VCAM1: variants seen among roughly 807,000 people sequenced by gnomAD.
VCAM1 encodes vascular cell adhesion protein 1.
In VCAM1, 41 loss-of-function variants were observed where a neutral mutation model predicts 63.8. That is an observed-to-expected ratio of 0.64 (90% CI 0.50 to 0.83). The LOEUF (loss-of-function observed/expected upper bound fraction) is 0.83. VCAM1 is among the 40% of genes least tolerant of loss of function. VCAM1 has a pLI of 0.00. For missense variants in VCAM1, 798 were observed against 875.5 expected, an observed-to-expected ratio of 0.91 and a Z score of 1.12; for synonymous variants, 338 against 320.7, an observed-to-expected ratio of 1.05 and a Z score of -0.58.
Position 100,731,284 on chromosome 1 carries a change from T to C in VCAM1, c.1291T>C (p.Tyr431His), listed in dbSNP as rs887623377. The C allele has an allele frequency of 4.3e-6, 7 of 1,613,746 alleles. No homozygotes were observed. In the Admixed American group the frequency reaches 1.0e-4, roughly 23 times the overall value. ...VTVSCKVPSV[Y>H]PLDRLEIELL... is the part of the protein sequence containing the mutation. ...TGTAAGCTGCAAGGTTCCTAGCGTG[T>C]ACCCCCTTGACCGGCTGGAGATTGA... The change falls in exon 6 of 9, where the codon TAC becomes CAC. Residue 431 changes from tyrosine to histidine, a missense_variant. Tyr to His is a moderately conservative substitution (Grantham distance 83, BLOSUM62 2). Transcript: ENST00000294728. This position sits in a 1 kb window ranked among gnomAD's most constrained non-coding sequence, Gnocchi z 4.2.
At chr1:100,732,854 T>A (rs1169685675) in intron 7 of VCAM1, among the ~76,000 whole-genome samples, 170 bp downstream of exon 7, 2 of 152,214 alleles carry the variant, frequency 1.3e-5, no homozygotes, top group African/African-American at 4.8e-5. Context: ...AATTGTCTTT[T>A]CTCATGAATT....
intron 4 of VCAM1, among the ~76,000 whole-genome samples, chr1:100,727,734 T>G (rs577028322): frequency 1.3e-5 from 2 of 152,226 alleles, no homozygotes; most frequent in Admixed American, 6.6e-5. Context: ...CGATCTGTTT[T>G]TTAAAGTTCC....
chr1:100,727,948 T>C (rs1660234771), intron 4 of VCAM1, among the ~76,000 whole-genome samples: 1 of 152,092 alleles, frequency 6.6e-6, no homozygotes, highest in Non-Finnish European at 1.5e-5. Context: ...GTTTGGATTA[T>C]TTATATATTG....
chr1:100,720,331 G>A, intron 1 of VCAM1, 145 bp from the exon 2 acceptor site: 1 of 1,124,840 alleles, frequency 8.9e-7, no homozygotes, highest in South Asian at 1.7e-5. Flanking sequence ...TGACTTCGGT[G>A]CTTTTTGGCT....
intron 8 of VCAM1, 110 bp from the exon 9 acceptor site, chr1:100,738,013 C>T: frequency 1.6e-6 from 2 of 1,227,092 alleles, no homozygotes; most frequent in Non-Finnish European, 2.3e-6. Flanking sequence ...GCTTTGATTC[C>T]CTTCTCTTTG....
At position 100,720,595 on chromosome 1, in the gene VCAM1, CAGAT is replaced by C. The variant is rs1427157835; in HGVS notation, c.191_194del (p.Asp64ValfsTer3). ...GTCCCCATTTTTCTCTTGGAGAACC[CAGAT>C]AGATAGTCCACTGAATGGGAAGGTG... On this transcript the variant is annotated frameshift_variant, in exon 2 of 9. Transcript: ENST00000294728. LOFTEE classifies it high-confidence loss of function. 1.9e-6 allele frequency: 3 copies of C among 1,613,192 alleles called. No homozygotes were observed. Among genetic ancestry groups the C allele is most frequent in the East Asian group, 2.2e-5 (1 of 44,830 alleles).
rs1180338437 is a variant in VCAM1, at chr1:100,723,168, A to G, written c.489A>G (p.Glu163=). ...LKGDHLMKSQ[E]FLEDADRKSL... ...GAGATCATCTCATGAAGAGTCAGGA[A>G]TTTCTGGAGGATGCAGACAGGAAGT... Residue 163 remains glutamate (E), a synonymous_variant, in exon 3 of 9, where the codon GAA becomes GAG. Coordinates refer to ENST00000294728, the MANE Select transcript of VCAM1 (RefSeq NM_001078.4). The G allele has an allele frequency of 2.5e-6, 4 of 1,613,044 alleles. No homozygotes were observed. Among genetic ancestry groups the G allele is most frequent in the African/African-American group, 2.7e-5 (2 of 74,858 alleles).
At position 100,734,592 on chromosome 1, in the gene VCAM1, T is replaced by G; in HGVS notation, c.1883T>G (p.Val628Gly). 6.2e-7 allele frequency: 1 copy of G among 1,613,946 alleles called. No homozygotes were observed. Among genetic ancestry groups the G allele is most frequent in the South Asian group, 1.1e-5 (1 of 91,082 alleles). ...ATCATCTCTTGTACATGTGGAAATG[T>G]TCCAGAAACATGGATAATCCTGAAG... ...TVIISCTCGNVPETWIILKKK... is the reference protein window; with the variant it reads ...TVIISCTCGNGPETWIILKKK... The change falls in exon 8 of 9, where the codon GTT becomes GGT. Residue 628 changes from valine (V) to glycine (G), a missense_variant. By Grantham distance (109) the Val-to-Gly change is moderately radical. Coordinates refer to ENST00000294728, the MANE Select transcript of VCAM1 (RefSeq NM_001078.4).
At chr1:100,727,953 A>G (rs1444001700) in intron 4 of VCAM1, among the ~76,000 whole-genome samples, 1 of 152,120 alleles carries the variant, frequency 6.6e-6, no homozygotes, top group African/African-American at 2.4e-5. Context: ...GATTATTTAT[A>G]TATTGAGATT....
intron 7 of VCAM1, among the ~76,000 whole-genome samples, chr1:100,733,357 G>A (rs1227989467): frequency 6.6e-6 from 1 of 152,082 alleles, no homozygotes; most frequent in Non-Finnish European, 1.5e-5. Flanking sequence ...GGGTATCAGG[G>A]TTCTTTTCTT....
In VCAM1 at chr1:100,731,633, G is replaced by T; in HGVS notation, c.1525+115G>T. 1 of 978,532 alleles carries T rather than the reference G, an allele frequency of 1.0e-6. No homozygotes were observed. The allele number at this position is 978,532 out of a possible 1,614,324, so 60.6% of individuals were successfully genotyped here. ...ACCTCTGTGGAGAAAAAACGTTACT[G>T]AAAAGAAATTTCAAAATAATGATGA... On this transcript the variant is annotated intron_variant, in intron 6 of 8. Transcript: ENST00000294728. The surrounding 1 kb of genome is among the most constrained non-coding windows in gnomAD (Gnocchi z 4.2).
In VCAM1 at chr1:100,731,196, A is replaced by G; in HGVS notation, c.1205-2A>G. 1 of 1,577,730 alleles carries G rather than the reference A, an allele frequency of 6.3e-7. No homozygotes were observed. ...AAAATCGTTTTTGCTTGCGATTTGC[A>G]GCATTCCCTAGAGATCCAGAAATCG... is the stretch of plus-strand genomic sequence containing the variant. On this transcript the variant is annotated splice_acceptor_variant, in intron 5 of 8. Transcript: ENST00000294728. LOFTEE classifies it high-confidence loss of function. The surrounding 1 kb of genome is among the most constrained non-coding windows in gnomAD (Gnocchi z 4.2).
At position 100,731,145 on chromosome 1, in the gene VCAM1, C is replaced by T. The variant is rs766237418; in HGVS notation, c.1205-53C>T. On this transcript the variant is annotated intron_variant, in intron 5 of 8. Coordinates refer to ENST00000294728, the MANE Select transcript of VCAM1 (RefSeq NM_001078.4). This position sits in a 1 kb window ranked among gnomAD's most constrained non-coding sequence, Gnocchi z 4.2. ...CCTTTACATTTAATAAAGCTTAGCT[C>T]AATTTTTCCTTGAATATCAAGAATA... The T allele has an allele frequency of 6.5e-6, 10 of 1,527,590 alleles. No individual in the cohort carries two copies. The highest frequency in any genetic ancestry group is 8.8e-6 in the Non-Finnish European group (10 of 1,139,888). 94.6% of individuals were successfully genotyped at this position (1,527,590 alleles called of 1,614,324 possible). A position where few individuals can be genotyped will look rare whatever the true frequency, so the allele number is the denominator to read the frequency against.
rs1416703698 is a variant in VCAM1, at chr1:100,731,379, G to A, written c.1386G>A (p.Glu462=). 1 of 1,613,794 alleles carries A rather than the reference G, an allele frequency of 6.2e-7. No individual in the cohort carries two copies. The highest frequency in any genetic ancestry group is 8.5e-7 in the Non-Finnish European group (1 of 1,179,860). ...FLEDTDMKSL[E]NKSLEMTFIP... ...AGGATACGGATATGAAATCTCTAGA[G>A]AACAAAAGTTTGGAAATGACCTTCA... Residue 462 remains glutamate, a synonymous_variant, in exon 6 of 9, where the codon GAG becomes GAA. Coordinates refer to ENST00000294728, the MANE Select transcript of VCAM1 (RefSeq NM_001078.4). The surrounding 1 kb of genome is among the most constrained non-coding windows in gnomAD (Gnocchi z 4.2).
intron 8 of VCAM1, 46 bp from the exon 9 acceptor site, chr1:100,738,077 T>C (rs937205546): frequency 6.3e-7 from 1 of 1,586,992 alleles, no homozygotes; most frequent in Non-Finnish European, 8.6e-7. Flanking sequence ...TTAAATGCTA[T>C]CTTTTTGTAC....
intron 7 of VCAM1, among the ~76,000 whole-genome samples, chr1:100,733,705 A>G (rs1370412182): frequency 1.3e-5 from 2 of 152,214 alleles, no homozygotes; most frequent in African/African-American, 2.4e-5. Flanking sequence ...AATAAATGGC[A>G]GTAGTATTGT....
In VCAM1 at chr1:100,729,156, G is replaced by A; in HGVS notation, c.978G>A (p.Gln326=). ...EISPGPRIAA[Q]IGDSVMLTCS... is the part of the protein sequence containing the mutation. Reference sequence around the variant, plus strand: ...CCCCTGGACCCCGGATTGCTGCTCAGATTGGAGACTCAGTCATGTTGACAT... The same window carrying A: ...CCCCTGGACCCCGGATTGCTGCTCAAATTGGAGACTCAGTCATGTTGACAT... Residue 326 remains glutamine (Q), a synonymous_variant, in exon 5 of 9, where the codon CAG becomes CAA. Coordinates refer to ENST00000294728, the MANE Select transcript of VCAM1 (RefSeq NM_001078.4). 1 of 1,611,858 alleles carries A rather than the reference G, an allele frequency of 6.2e-7. No homozygotes were observed. The highest frequency in any genetic ancestry group is 2.2e-5 in the East Asian group (1 of 44,820).
chr1:100,730,178 A>G (rs1660389408), intron 5 of VCAM1, among the ~76,000 whole-genome samples: 1 of 152,036 alleles, frequency 6.6e-6, no homozygotes, highest in Admixed American at 6.6e-5. Flanking sequence ...ACCCTGCCCA[A>G]ACTTGTGTTA....
chr1:100,725,797 C>A (rs1197424643), intron 4 of VCAM1, among the ~76,000 whole-genome samples: 1 of 152,028 alleles, frequency 6.6e-6, no homozygotes, highest in East Asian at 1.9e-4. Context: ...ATTGATAAAT[C>A]ATGATTGTAT....
Sources: gnomAD v4.1 joint callset for allele counts (sites outside exome capture counted in the v4.1 genomes callset) on GRCh38, gnomAD v4.1.1 for gene constraint, Gnocchi (gnomAD v3.1) non-coding constraint, MANE v1.5 for transcripts, NCBI Gene and HGNC (gene_info 2026-07-23, HGNC 2026-07-21) for gene names.